The following HK1 variants were observed in gnomAD, a reference collection of about 807,000 sequenced individuals.
The protein encoded by HK1 is hexokinase 1.
Under a neutral mutation model 91.6 loss-of-function variants are expected in HK1, and 28 were observed. The observed-to-expected ratio is 0.31, with a 90% confidence interval of 0.23 to 0.42. The LOEUF is 0.42. HK1 is among the 10% of genes least tolerant of loss of function. HK1 has a pLI of 1.00. For missense variants in HK1, 770 were observed against 1,219.8 expected (o/e 0.63, Z 5.49); for synonymous variants, 430 against 468.1 (o/e 0.92, Z 1.05).
At chr10:69,393,938 G>A (rs1237825757) in intron 15 of HK1, among the ~76,000 whole-genome samples, 2 of 152,206 alleles carry the variant, frequency 1.3e-5, no homozygotes, top group Non-Finnish European at 2.9e-5. Flanking sequence ...TGGTTAAAAA[G>A]CGGGGGGATC....
chr10:69,384,498 A>G lies in HK1; in HGVS notation c.1719+17A>G. 6.2e-7 allele frequency: 1 copy of G among 1,614,194 alleles called. No homozygotes were observed. The highest frequency in any genetic ancestry group is 8.5e-7 in the Non-Finnish European group (1 of 1,179,994). ...GGGGAAGAGGTGAGATTACAAAACC[A>G]TAGTGCATGTGCACTGCACACACGG... On this transcript the variant is annotated intron_variant, in intron 11 of 17. Transcript: ENST00000359426.
In HK1 at chr10:69,369,746, ATTT is replaced by A; in HGVS notation, c.875+130_875+132del. On this transcript the variant is annotated intron_variant, in intron 7 of 17. Coordinates refer to ENST00000359426, the MANE Select transcript of HK1 (RefSeq NM_000188.3). This position sits in a 1 kb window ranked among gnomAD's most constrained non-coding sequence, Gnocchi z 4.4. ...GATCACAAACAGAAAAGCCTGTCAC[ATTT>A]TTTTTTTGAGGCGGAGTCTTGCTCT... 1.1e-6 allele frequency: 1 copy of A among 896,524 alleles called. No individual in the cohort carries two copies. The allele number at this position is 896,524 out of a possible 1,614,324, so 55.5% of individuals were successfully genotyped here.
rs1050597952 is a variant in HK1 at position 69,292,969 on chromosome 10, G to A, written c.-114-2664G>A. ...CCCACCCTATCCCCTGCTAGTGGTA[G>A]GTGGAAAGGTGGGGTGAGGCTCTAA... On this transcript the variant is annotated intron_variant, in intron 3 of 21. Transcript: ENST00000360289. 6.6e-5 allele frequency among the ~76,000 whole-genome samples: 10 copies of A among 152,180 alleles called. No individual in the cohort carries two copies. The East Asian group carries it at 1.7e-3, about 26-fold the overall frequency.
intron 2 of HK1, among the ~76,000 whole-genome samples, chr10:69,283,396 G>A (rs1427742092): frequency 6.6e-6 from 1 of 151,376 alleles, no homozygotes; most frequent in Non-Finnish European, 1.5e-5. Context: ...CAAGGCTGTA[G>A]TGAGCCCATG....
At position 69,355,741 on chromosome 10, in the gene HK1, G is replaced by A. The variant is rs552711902; in HGVS notation, c.227-4156G>A. On this transcript the variant is annotated intron_variant, in intron 2 of 17. Coordinates refer to ENST00000359426, the MANE Select transcript of HK1 (RefSeq NM_000188.3). ...CGGGAGGTGGAGGTTGCAGTGAGCCGAGATCATGCCACTGCATTCCAGCCT... is the reference window on the plus strand; with the variant it reads ...CGGGAGGTGGAGGTTGCAGTGAGCCAAGATCATGCCACTGCATTCCAGCCT... Among the ~76,000 whole-genome samples the A allele has an allele frequency of 3.3e-3, 500 of 152,184 alleles. 1 individual carries two copies. The highest frequency in any genetic ancestry group is 0.011 in the African/African-American group (460 of 41,518).
chr10:69,376,883 G>A lies in HK1; in HGVS notation c.876-51G>A, dbSNP rs886124037. The stretch of plus-strand genomic sequence containing the variant: ...CTTTTATGTCTGTCCCAGCCCTCGT[G>A]TGTGGGGCGCAGAGGAAGGCTGACA... On this transcript the variant is annotated intron_variant, in intron 7 of 17. Transcript: ENST00000359426. The A allele has an allele frequency of 1.8e-5, 29 of 1,608,294 alleles. No individual in the cohort carries two copies. In the South Asian group the frequency reaches 3.0e-4, roughly 16 times the overall value.
intron 1 of HK1, among the ~76,000 whole-genome samples, chr10:69,330,584 T>C: frequency 6.6e-6 from 1 of 152,154 alleles, no homozygotes; most frequent in Admixed American, 6.5e-5. Flanking sequence ...CCCCAAATAG[T>C]AATATGGCAT....
At chr10:69,339,197 A>C (rs188624278) in intron 1 of HK1, among the ~76,000 whole-genome samples, 5 of 152,334 alleles carry the variant, frequency 3.3e-5, no homozygotes, top group Admixed American at 2.6e-4. Flanking sequence ...TTAAAGGCCC[A>C]CAGTCCAGAG....
intron 2 of HK1, among the ~76,000 whole-genome samples, chr10:69,283,425 A>C (rs534667116): frequency 6.6e-6 from 1 of 151,622 alleles, no homozygotes; most frequent in South Asian, 2.1e-4. Context: ...ACTGCACTCC[A>C]GCCTGGGTGA....
At chr10:69,312,109 C>A (rs1244263604), upstream of HK1, among the ~76,000 whole-genome samples, 1 of 152,172 alleles carries the variant, frequency 6.6e-6, no homozygotes, top group Non-Finnish European at 1.5e-5. Flanking sequence ...CTTCCGCTTC[C>A]CCCTCCGTGA....
chr10:69,308,738 A>G (rs924067793), intron 5 of HK1, among the ~76,000 whole-genome samples: 6 of 152,188 alleles, frequency 3.9e-5, no homozygotes, highest in African/African-American at 1.4e-4. Flanking sequence ...GTATAAAACA[A>G]TATGAGAGGG....
intron 3 of HK1, among the ~76,000 whole-genome samples, chr10:69,292,703 C>T (rs1218607791): frequency 6.6e-6 from 1 of 152,118 alleles, no homozygotes; most frequent in Non-Finnish European, 1.5e-5. Context: ...CTGAGGAGGG[C>T]CTCAGTATTC....
chr10:69,329,169 C>CTTCTTCT (rs755280680), intron 1 of HK1, among the ~76,000 whole-genome samples: 2 of 144,344 alleles, frequency 1.4e-5, no homozygotes, highest in South Asian at 2.2e-4. Context: ...CTTTCTTCTT[C>CTTCTTCT]TTTTTTTTTT....
intron 4 of HK1, among the ~76,000 whole-genome samples, chr10:69,299,251 C>T (rs1421741022): frequency 6.8e-6 from 1 of 147,286 alleles, no homozygotes; most frequent in Non-Finnish European, 1.5e-5. Context: ...TGGCTCACTG[C>T]AGCCTCCACC....
intron 7 of HK1, among the ~76,000 whole-genome samples, chr10:69,374,179 G>A (rs984854205): frequency 2.6e-5 from 4 of 152,164 alleles, no homozygotes; most frequent in Admixed American, 6.5e-5. Flanking sequence ...CGGCAGCTCC[G>A]GTCCTGGTTT....
chr10:69,315,872 C>T, upstream of HK1: 2 of 1,414,460 alleles, frequency 1.4e-6, no homozygotes, highest in Non-Finnish European at 2.0e-6. Context: ...AAAACTCTAC[C>T]ACAACCTGAC....
At chr10:69,322,172 A>G (rs1847071594) in intron 1 of HK1, among the ~76,000 whole-genome samples, 1 of 152,238 alleles carries the variant, frequency 6.6e-6, no homozygotes, top group African/African-American at 2.4e-5. Flanking sequence ...CTAAAGAAAG[A>G]TTAGACTTCC....
intron 1 of HK1, among the ~76,000 whole-genome samples, chr10:69,276,127 A>ATGTGTG (rs1471511736): frequency 9.0e-6 from 1 of 111,518 alleles, no homozygotes; most frequent in East Asian, 3.1e-4. Context: ...AAATACATAT[A>ATGTGTG]TATATATATA....
chr10:69,369,100 C>T lies in HK1; in HGVS notation c.592-137C>T, dbSNP rs1383196400. On this transcript the variant is annotated intron_variant, in intron 5 of 17. Coordinates refer to ENST00000359426, the MANE Select transcript of HK1 (RefSeq NM_000188.3). This position sits in a 1 kb window ranked among gnomAD's most constrained non-coding sequence, Gnocchi z 4.4. The stretch of plus-strand genomic sequence containing the variant: ...TGCTCTGATCTAGTTAATTTGAGTA[C>T]CAGCTGTAATGAAACCAGTACCACT... The T allele has an allele frequency of 4.2e-6, 3 of 717,682 alleles. No individual in the cohort carries two copies. Among genetic ancestry groups the T allele is most frequent in the African/African-American group, 3.5e-5 (2 of 57,354 alleles). The allele number at this position is 717,682 out of a possible 1,614,324, so 44.5% of individuals were successfully genotyped here.
Sources: gnomAD v4.1 joint callset for allele counts (sites outside exome capture counted in the v4.1 genomes callset) on GRCh38, gnomAD v4.1.1 for gene constraint, Gnocchi (gnomAD v3.1) non-coding constraint, MANE v1.5 for transcripts, NCBI Gene and HGNC (gene_info 2026-07-23, HGNC 2026-07-21) for gene names.